The following PTPRG variants were observed in gnomAD, a reference collection of about 807,000 sequenced individuals.
PTPRG encodes protein tyrosine phosphatase receptor type G, also known as receptor-type tyrosine-protein phosphatase gamma.
A neutral mutation model predicts 165.3 loss-of-function variants in PTPRG; 102 were observed. That is an observed-to-expected ratio of 0.62 (90% CI 0.53 to 0.73). The LOEUF (loss-of-function observed/expected upper bound fraction) is 0.73, where lower values mean the gene tolerates loss of function less well. PTPRG is among the 30% of genes least tolerant of loss of function. The pLI is 0.00. For missense variants in PTPRG, 1,866 were observed against 1,861.4 expected, an observed-to-expected ratio of 1.00 and a Z score of -0.05; for synonymous variants, 675 against 669.5, an observed-to-expected ratio of 1.01 and a Z score of -0.13.
intron 4 of PTPRG, among the ~76,000 whole-genome samples, chr3:62,055,367 C>A (rs72887876): frequency 5.3e-4 from 80 of 152,266 alleles, no homozygotes; most frequent in African/African-American, 1.9e-3. Context: ...GCTGGGCATG[C>A]TAATGAGAGA....
chr3:61,749,031 A>T (rs775591460), intron 2 of PTPRG, 49 bp downstream of exon 2: 1 of 1,428,498 alleles, frequency 7.0e-7, no homozygotes. Context: ...TTAACATCCC[A>T]TTCAACTCAC....
intron 4 of PTPRG, among the ~76,000 whole-genome samples, chr3:62,025,868 T>G (rs2041792331): frequency 6.6e-6 from 1 of 151,950 alleles, no homozygotes; most frequent in Admixed American, 6.6e-5. Context: ...GAATTGGCTT[T>G]TAGAAGGCAA....
Position 61,774,665 on chromosome 3 carries a change from T to G in PTPRG, c.190+25683T>G, listed in dbSNP as rs559775863. Among the ~76,000 whole-genome samples the G allele has an allele frequency of 9.2e-5, 14 of 152,342 alleles. No individual in the cohort carries two copies. The South Asian group carries it at 2.7e-3, about 29-fold the overall frequency. On this transcript the variant is annotated intron_variant, in intron 2 of 29. Coordinates refer to ENST00000474889, the MANE Select transcript of PTPRG (RefSeq NM_002841.4). Reference sequence around the variant, plus strand: ...CAAAGTTAAAATTATTGTTTTATAATTAGCATCAATATAATCGACTTGAGA... The same window carrying G: ...CAAAGTTAAAATTATTGTTTTATAAGTAGCATCAATATAATCGACTTGAGA...
At chr3:62,044,336 C>G (rs1395849040) in intron 4 of PTPRG, among the ~76,000 whole-genome samples, 1 of 152,108 alleles carries the variant, frequency 6.6e-6, no homozygotes, top group Non-Finnish European at 1.5e-5. Context: ...GTCAGAAGTT[C>G]AAGACAAGCC....
intron 5 of PTPRG, among the ~76,000 whole-genome samples, chr3:62,130,566 T>C (rs1703477020): frequency 6.6e-6 from 1 of 152,198 alleles, no homozygotes; most frequent in Non-Finnish European, 1.5e-5. Flanking sequence ...CCAGAATGAA[T>C]CAAAGGGACC....
chr3:61,697,651 CCATT>C (rs1373830190), intron 1 of PTPRG, among the ~76,000 whole-genome samples: 1 of 152,130 alleles, frequency 6.6e-6, no homozygotes, highest in Non-Finnish European at 1.5e-5. Flanking sequence ...GTATTCAGTC[CCATT>C]CAGTTTCCAA....
At position 62,273,722 on chromosome 3, in the gene PTPRG, G is replaced by A. The variant is rs369631162; in HGVS notation, c.3343G>A (p.Ala1115Thr). 1.4e-5 allele frequency: 22 copies of A among 1,613,586 alleles called. No homozygotes were observed. The highest frequency in any genetic ancestry group is 8.0e-5 in the African/African-American group (6 of 74,892). Reference protein sequence around the residue: ...TEEQYIFIHDALLEAILGKET... With the variant: ...TEEQYIFIHDTLLEAILGKET... ...GGAGCAGTACATTTTCATCCATGAT[G>A]CCTTGTTGGAAGCCATTCTTGGAAA... Residue 1115 changes from alanine to threonine, a missense_variant, in exon 23 of 30, where the codon GCC (alanine) becomes ACC (threonine). Physicochemically the swap from Ala to Thr is moderately conservative, Grantham distance 58. This residue lies in a region of PTPRG where 1,452 missense variants were observed against 1,463.0 expected (regional missense o/e 0.99). Transcript: ENST00000474889. This position sits in a 1 kb window ranked among gnomAD's most constrained non-coding sequence, Gnocchi z 4.1.
chr3:61,786,484 C>T (rs927105223), intron 2 of PTPRG, among the ~76,000 whole-genome samples: 1 of 151,962 alleles, frequency 6.6e-6, no homozygotes, highest in Non-Finnish European at 1.5e-5. Context: ...AGGGCCTTAA[C>T]AAAAATTTTT....
chr3:62,056,781 CTG>C (rs1226401032), intron 4 of PTPRG, among the ~76,000 whole-genome samples: 4 of 152,156 alleles, frequency 2.6e-5, no homozygotes, highest in Non-Finnish European at 5.9e-5. Context: ...TGTGGCTAAA[CTG>C]TGCCACCCTG....
intron 10 of PTPRG, among the ~76,000 whole-genome samples, chr3:62,200,273 A>T (rs1700066514): frequency 6.6e-6 from 1 of 151,742 alleles, no homozygotes; most frequent in Non-Finnish European, 1.5e-5. Flanking sequence ...TTTTATTTTT[A>T]TTTATTTATT....
intron 2 of PTPRG, among the ~76,000 whole-genome samples, chr3:61,859,629 ATTG>A (rs1225679758): frequency 1.4e-5 from 2 of 146,792 alleles, no homozygotes; most frequent in African/African-American, 2.5e-5. Flanking sequence ...TTTTTTGGTC[ATTG>A]TTGTTTGTTT....
chr3:61,805,530 CAAAAA>C (rs58646519), intron 2 of PTPRG, among the ~76,000 whole-genome samples: 119 of 96,518 alleles, frequency 1.2e-3, no homozygotes, highest in African/African-American at 3.0e-3. Flanking sequence ...ATGGGAAAGA[CAAAAA>C]AAAAAAAAAA....
intron 1 of PTPRG, among the ~76,000 whole-genome samples, chr3:61,564,716 C>T (rs960091950): frequency 3.9e-5 from 6 of 152,182 alleles, no homozygotes; most frequent in Non-Finnish European, 5.9e-5. Flanking sequence ...GCCGCTGGAC[C>T]TCAGGGGGCG....
chr3:62,248,584 A>G (rs766249378), intron 15 of PTPRG, among the ~76,000 whole-genome samples: 5 of 152,192 alleles, frequency 3.3e-5, no homozygotes, highest in Non-Finnish European at 7.3e-5. Flanking sequence ...ACAAACTTGA[A>G]TATTACAATT....
At chr3:62,267,012 C>T (rs1442667744) in intron 17 of PTPRG, among the ~76,000 whole-genome samples, 1 of 151,720 alleles carries the variant, frequency 6.6e-6, no homozygotes, top group Admixed American at 6.6e-5. Context: ...AATGGAATTG[C>T]CTGAAAATAT....
intron 1 of PTPRG, among the ~76,000 whole-genome samples, chr3:61,687,231 G>A (rs1703662471): frequency 6.6e-6 from 1 of 152,194 alleles, no homozygotes; most frequent in Non-Finnish European, 1.5e-5. Flanking sequence ...TTATTATCTG[G>A]CTTATTTGGA....
rs192266099 is a variant in PTPRG at position 62,288,660 on chromosome 3, G to A, written c.4056-3761G>A. On this transcript the variant is annotated intron_variant, in intron 28 of 29. Coordinates refer to ENST00000474889, the MANE Select transcript of PTPRG (RefSeq NM_002841.4). ...TGCACTCCAGCCTGGGCGACAGGGT[G>A]ATACTCCGTCACAAAAAAAAAAAAA... Among the ~76,000 whole-genome samples, 441 of 146,410 alleles carry A rather than the reference G, an allele frequency of 3.0e-3. 2 individuals are homozygous for A. The highest frequency in any genetic ancestry group is 0.011 in the African/African-American group (420 of 39,556).
At chr3:61,947,880 A>T (rs1190487732) in intron 2 of PTPRG, among the ~76,000 whole-genome samples, 1 of 152,208 alleles carries the variant, frequency 6.6e-6, no homozygotes, top group Non-Finnish European at 1.5e-5. Context: ...TTTTCAGAGG[A>T]GGCCCTGACC....
rs185885586 is a variant in PTPRG at position 61,841,561 on chromosome 3, T to G, written c.190+92579T>G. ...ACTGTCAGGTCAAACAAGATGTGAT[T>G]AAACTTAGCCCTCGTCCACCACCAC... On this transcript the variant is annotated intron_variant, in intron 2 of 29. Coordinates refer to ENST00000474889, the MANE Select transcript of PTPRG (RefSeq NM_002841.4). 3.9e-5 allele frequency among the ~76,000 whole-genome samples: 6 copies of G among 152,316 alleles called. No individual in the cohort carries two copies. In the East Asian group the frequency reaches 9.6e-4, roughly 24 times the overall value.
Sources: allele counts gnomAD v4.1 joint callset (sites outside exome capture counted in the v4.1 genomes callset), GRCh38; gene constraint gnomAD v4.1.1; regional missense constraint gnomAD v4.1.1; non-coding constraint Gnocchi (gnomAD v3.1); transcripts MANE v1.5; gene names NCBI Gene and HGNC (gene_info 2026-07-23, HGNC 2026-07-21).